SGCD: variants seen among roughly 807,000 people sequenced by gnomAD.
SGCD encodes sarcoglycan delta.
SGCD carries 18 observed loss-of-function variants against 36.6 expected under a neutral mutation model. The ratio of observed to expected loss-of-function variants is 0.49; its 90% CI spans 0.34 to 0.73. SGCD has a LOEUF of 0.73. Among genes scored for constraint, SGCD ranks in the 30% least tolerant of loss-of-function variants. The probability of loss-of-function intolerance (pLI) is 0.01; values close to 1 mark genes in which losing one functional copy is unlikely to be tolerated. For synonymous variants in SGCD, 133 were observed against 130.6 expected (o/e 1.02, Z -0.12); for missense variants, 387 against 346.7 (o/e 1.12, Z -0.92).
intron 4 of SGCD, among the ~76,000 whole-genome samples, chr5:156,540,992 C>T (rs1349698252): frequency 1.3e-5 from 2 of 152,114 alleles, no homozygotes; most frequent in African/African-American, 4.8e-5. Context: ...ATGAAGAAGA[C>T]AAAGTGTGAC....
At chr5:156,093,156 A>G (rs1761286560) in intron 1 of SGCD, among the ~76,000 whole-genome samples, 1 of 152,042 alleles carries the variant, frequency 6.6e-6, no homozygotes, top group Non-Finnish European at 1.5e-5. Context: ...TGGGCCCTTT[A>G]ATTTTGGGCA....
At chr5:156,241,531 T>C (rs1188258310) in intron 3 of SGCD, among the ~76,000 whole-genome samples, 1 of 152,168 alleles carries the variant, frequency 6.6e-6, no homozygotes, top group Non-Finnish European at 1.5e-5. Context: ...GCAGCTAGGA[T>C]AGGACATGTG....
intron 3 of SGCD, among the ~76,000 whole-genome samples, chr5:156,270,727 T>C (rs1766154364): frequency 6.6e-6 from 1 of 152,206 alleles, no homozygotes; most frequent in African/African-American, 2.4e-5. Flanking sequence ...AAGTACTTCC[T>C]GTCTCTCAGC....
Position 155,883,435 on chromosome 5 carries a change from C to G in SGCD, c.-282+13011C>G, listed in dbSNP as rs539721966. ...GTAAGAGACATGCAACTCTTTCTTT[C>G]AAACTTGAACACTTAAAGCCCATTG... On this transcript the variant is annotated intron_variant, in intron 1 of 9. Transcript: ENST00000517913. Among the ~76,000 whole-genome samples the G allele has an allele frequency of 2.2e-4, 33 of 152,210 alleles. No individual in the cohort carries two copies. In the South Asian group the frequency reaches 3.9e-3, roughly 18 times the overall value.
intron 3 of SGCD, among the ~76,000 whole-genome samples, chr5:156,164,974 T>C (rs1414536428): frequency 1.3e-5 from 2 of 152,224 alleles, no homozygotes; most frequent in African/African-American, 4.8e-5. Flanking sequence ...TGTTTTCTAT[T>C]TCTTAGAGTT....
At chr5:155,813,904 T>C in the SGCD span, among the ~76,000 whole-genome samples, 4 of 152,212 alleles carry the variant, frequency 2.6e-5, no homozygotes. Context: ...ATCTCATTAT[T>C]ATTTTGATGG....
chr5:156,240,841 C>T (rs530342592), intron 3 of SGCD, among the ~76,000 whole-genome samples: 1 of 151,856 alleles, frequency 6.6e-6, no homozygotes, highest in Non-Finnish European at 1.5e-5. Context: ...AACCAAAAGC[C>T]GACAGATAAG....
chr5:155,899,016 G>C (rs1214415510), intron 1 of SGCD, among the ~76,000 whole-genome samples: 1 of 152,184 alleles, frequency 6.6e-6, no homozygotes, highest in African/African-American at 2.4e-5. Context: ...GACATGCAGG[G>C]ACATGGGGTT....
chr5:156,538,943 T>C (rs552549238), intron 4 of SGCD, among the ~76,000 whole-genome samples: 1 of 152,210 alleles, frequency 6.6e-6, no homozygotes, highest in South Asian at 2.1e-4. Flanking sequence ...CAGTTTTATA[T>C]ATTATACTGA....
At chr5:155,745,515 C>A in the SGCD span, among the ~76,000 whole-genome samples, 2 of 151,972 alleles carry the variant, frequency 1.3e-5, no homozygotes, top group East Asian at 3.9e-4. Context: ...TTATTACATA[C>A]TTCAAAGAAA....
intron 1 of SGCD, among the ~76,000 whole-genome samples, chr5:156,070,785 A>G (rs1760525650): frequency 6.6e-6 from 1 of 152,110 alleles, no homozygotes; most frequent in Non-Finnish European, 1.5e-5. Context: ...TTGGTAAGCT[A>G]TTGATTATTG....
At chr5:155,925,828 G>T (rs1470909233) in intron 1 of SGCD, among the ~76,000 whole-genome samples, 2 of 152,084 alleles carry the variant, frequency 1.3e-5, no homozygotes, top group African/African-American at 4.8e-5. Flanking sequence ...TGTGGCCCAG[G>T]CTGGTCTCGA....
At chr5:156,542,732 G>A (rs1391482075) in intron 4 of SGCD, among the ~76,000 whole-genome samples, 5 of 152,146 alleles carry the variant, frequency 3.3e-5, no homozygotes, top group Non-Finnish European at 7.3e-5. Flanking sequence ...TGTGACTTCA[G>A]AGAAAGCCTC....
chr5:156,539,473 T>C (rs253601), intron 4 of SGCD, among the ~76,000 whole-genome samples: 18,987 of 151,840 alleles, frequency 0.13, 1,354 homozygotes, highest in Admixed American at 0.17. Flanking sequence ...TGTATCCTCA[T>C]AGCTTAGCTC....
chr5:156,130,221 T>G (rs1451695922), intron 3 of SGCD, among the ~76,000 whole-genome samples: 3 of 152,372 alleles, frequency 2.0e-5, no homozygotes, highest in East Asian at 1.9e-4. Context: ...TGGTTTTGAT[T>G]TGCATTTCTC....
intron 3 of SGCD, among the ~76,000 whole-genome samples, chr5:156,465,062 G>A (rs1754660248): frequency 6.6e-6 from 1 of 152,030 alleles, no homozygotes; most frequent in Non-Finnish European, 1.5e-5. Context: ...GATGTTACTG[G>A]ACACTCATCC....
the SGCD span, among the ~76,000 whole-genome samples, chr5:155,767,310 C>A: frequency 6.6e-6 from 1 of 152,184 alleles, no homozygotes; most frequent in African/African-American, 2.4e-5. Flanking sequence ...CCTGAACTTC[C>A]CCTTGGGGAT....
At chr5:156,148,670 C>T (rs1762764404) in intron 3 of SGCD, among the ~76,000 whole-genome samples, 1 of 152,088 alleles carries the variant, frequency 6.6e-6, no homozygotes, top group Non-Finnish European at 1.5e-5. Flanking sequence ...CAGTTTATTT[C>T]CGCAACTGGT....
chr5:156,394,462 C>CTG (rs149697407), intron 3 of SGCD, among the ~76,000 whole-genome samples: 3,104 of 152,168 alleles, frequency 0.02, 42 homozygotes, highest in Non-Finnish European at 0.026. Context: ...AAGAGGTAAC[C>CTG]TGTACTAAAC....
Sources: allele counts gnomAD v4.1 joint callset (sites outside exome capture counted in the v4.1 genomes callset), GRCh38; gene constraint gnomAD v4.1.1; transcripts MANE v1.5; gene names NCBI Gene and HGNC (gene_info 2026-07-23, HGNC 2026-07-21).